The following STPG4 variants were observed in gnomAD, a reference collection of about 807,000 sequenced individuals.
STPG4 encodes protein STPG4.
A neutral mutation model predicts 31.5 loss-of-function variants in STPG4; 41 were observed. The observed-to-expected ratio is 1.30, with a 90% CI of 1.01 to 1.69. The LOEUF is 1.69. Ranked by LOEUF, STPG4 falls within the 40% of genes most tolerant of loss-of-function variation. STPG4 has a pLI of 0.00. For missense variants in STPG4, 375 were observed against 293.4 expected (o/e 1.28, Z -2.03); for synonymous variants, 141 against 103.0 (o/e 1.37, Z -2.24).
chr2:47,128,173 T>TCTTCC (rs1179294412), intron 5 of STPG4, among the ~76,000 whole-genome samples: 3 of 152,200 alleles, frequency 2.0e-5, no homozygotes, highest in African/African-American at 7.2e-5. Context: ...ACTCTGGTTC[T>TCTTCC]CTTCCCTTCC....
chr2:47,109,556 G>GAAA (rs533888510), intron 5 of STPG4, among the ~76,000 whole-genome samples: 2 of 88,810 alleles, frequency 2.3e-5, no homozygotes, highest in African/African-American at 4.2e-5. Flanking sequence ...CTATGTATCA[G>GAAA]AAAAAAAAAA....
intron 5 of STPG4, among the ~76,000 whole-genome samples, chr2:47,104,131 CTACT>C (rs890914750): frequency 2.0e-5 from 3 of 151,942 alleles, no homozygotes; most frequent in Non-Finnish European, 2.9e-5. Context: ...TTGTTGTCCC[CTACT>C]TAAAGAGGGA....
intron 5 of STPG4, among the ~76,000 whole-genome samples, chr2:47,124,350 C>A (rs1449862758): frequency 6.6e-6 from 1 of 152,078 alleles, no homozygotes; most frequent in Non-Finnish European, 1.5e-5. Context: ...AATACTAGAT[C>A]TTATCATTCT....
intron 3 of STPG4, among the ~76,000 whole-genome samples, chr2:47,132,237 G>A (rs1301038373): frequency 6.6e-6 from 1 of 151,872 alleles, no homozygotes; most frequent in African/African-American, 2.4e-5. Flanking sequence ...AAGCCAGGAG[G>A]AGAAGATCAT....
intron 5 of STPG4, among the ~76,000 whole-genome samples, chr2:47,125,752 T>TCTCC (rs1470979598): frequency 6.6e-6 from 1 of 151,514 alleles, no homozygotes; most frequent in Non-Finnish European, 1.5e-5. Context: ...AGAGACAGGG[T>TCTCC]CTCCCTATAT....
intron 5 of STPG4, among the ~76,000 whole-genome samples, chr2:47,107,186 A>G (rs1206697765): frequency 6.6e-6 from 1 of 152,044 alleles, no homozygotes; most frequent in Non-Finnish European, 1.5e-5. Context: ...GCGGCACTTA[A>G]GGAGCCCTTC....
At chr2:47,140,385 C>G (rs1046761050) in intron 3 of STPG4, among the ~76,000 whole-genome samples, 14 of 152,152 alleles carry the variant, frequency 9.2e-5, no homozygotes, top group African/African-American at 3.1e-4. Context: ...CCTGGGAGAG[C>G]TCCTGCAGGT....
intron 5 of STPG4, among the ~76,000 whole-genome samples, chr2:47,092,299 G>C (rs867565843): frequency 6.7e-6 from 1 of 149,252 alleles, no homozygotes; most frequent in African/African-American, 2.5e-5. Flanking sequence ...GGAGGCCAAG[G>C]CTGGTGGATC....
At chr2:47,137,873 A>G (rs1300761486) in intron 3 of STPG4, among the ~76,000 whole-genome samples, 1 of 151,900 alleles carries the variant, frequency 6.6e-6, no homozygotes, top group Non-Finnish European at 1.5e-5. Context: ...CTTTTTTCTT[A>G]GTTAGCCTAG....
At chr2:47,154,974 A>C (rs967815013) in intron 1 of STPG4, among the ~76,000 whole-genome samples, 197 bp downstream of exon 1, 4 of 152,142 alleles carry the variant, frequency 2.6e-5, no homozygotes, top group Non-Finnish European at 5.9e-5. Flanking sequence ...GGGGAAAAGA[A>C]ATAAAACAAA....
intron 3 of STPG4, among the ~76,000 whole-genome samples, chr2:47,133,070 CTGT>C (rs1686520083): frequency 6.6e-6 from 1 of 151,988 alleles, no homozygotes; most frequent in Admixed American, 6.5e-5. Context: ...ATGTAGGAGA[CTGT>C]TTTCCTGTTC....
chr2:47,116,677 T>C (rs1023489739), intron 5 of STPG4, among the ~76,000 whole-genome samples: 4 of 152,188 alleles, frequency 2.6e-5, no homozygotes, highest in Non-Finnish European at 5.9e-5. Context: ...CTCATTTATG[T>C]TCCTGGGAGC....
chr2:47,105,487 G>T (rs565075903), intron 5 of STPG4, among the ~76,000 whole-genome samples: 1 of 152,002 alleles, frequency 6.6e-6, no homozygotes, highest in African/African-American at 2.4e-5. Flanking sequence ...CACCTGCGTG[G>T]CCCTCAACCC....
intron 5 of STPG4, among the ~76,000 whole-genome samples, chr2:47,110,362 G>A (rs13031385): frequency 0.022 from 3,384 of 152,342 alleles, 45 homozygotes; most frequent in African/African-American, 0.034. Flanking sequence ...GGGAGGCCAA[G>A]GTGGGCAGAT....
At chr2:47,127,235 T>G (rs1310998611) in intron 5 of STPG4, among the ~76,000 whole-genome samples, 1 of 147,062 alleles carries the variant, frequency 6.8e-6, no homozygotes, top group Admixed American at 7.0e-5. Flanking sequence ...TTCAAATAGC[T>G]TGTCTTCAAG....
chr2:47,100,787 C>A (rs139695681), intron 5 of STPG4, among the ~76,000 whole-genome samples: 1 of 151,568 alleles, frequency 6.6e-6, no homozygotes, highest in South Asian at 2.1e-4. Flanking sequence ...ACACTCACCA[C>A]GAAAGTCTGC....
chr2:47,100,552 C>T (rs1032798879), intron 5 of STPG4, among the ~76,000 whole-genome samples: 1 of 150,302 alleles, frequency 6.7e-6, no homozygotes, highest in East Asian at 1.9e-4. Context: ...GCAGGCTCCC[C>T]GAGCCAGCAG....
At chr2:47,122,290 G>A (rs6544964) in intron 5 of STPG4, among the ~76,000 whole-genome samples, 24,403 of 151,944 alleles carry the variant, frequency 0.16, 2,403 homozygotes, top group African/African-American at 0.27. Context: ...ACATTTGCCT[G>A]TTAACTTTGT....
chr2:47,132,691 A>G (rs1686510609), intron 3 of STPG4, among the ~76,000 whole-genome samples: 1 of 152,144 alleles, frequency 6.6e-6, no homozygotes, highest in Non-Finnish European at 1.5e-5. Context: ...GCAATGTCCT[A>G]TTTCCTGATT....
Sources: allele counts gnomAD v4.1 joint callset (sites outside exome capture counted in the v4.1 genomes callset), GRCh38; gene constraint gnomAD v4.1.1; transcripts MANE v1.5; gene names NCBI Gene and HGNC (gene_info 2026-07-23, HGNC 2026-07-21).